DUSP22: variants seen among roughly 807,000 people sequenced by gnomAD.
DUSP22 encodes the protein dual specificity protein phosphatase 22.
DUSP22 carries 24 observed loss-of-function variants against 24.5 expected under a neutral mutation model. The observed-to-expected ratio is 0.98, with a 90% CI of 0.71 to 1.38. The LOEUF (loss-of-function observed/expected upper bound fraction) is 1.38. DUSP22 is among the 40% of genes most tolerant of loss of function. The pLI, the probability that DUSP22 is intolerant of heterozygous loss-of-function variation, is 0.00. For synonymous variants in DUSP22, 160 were observed against 106.4 expected (o/e 1.50, Z -3.10); for missense variants, 330 against 269.2 (o/e 1.23, Z -1.58).
chr6:305,504 C>G (rs1274328599), intron 2 of DUSP22, among the ~76,000 whole-genome samples: 1 of 152,306 alleles, frequency 6.6e-6, no homozygotes, highest in African/African-American at 2.4e-5. Flanking sequence ...ACAATTTCAT[C>G]TCTGGCAGAT....
intron 1 of DUSP22, 103 bp downstream of exon 1, chr6:292,663 C>A: frequency 6.8e-7 from 1 of 1,465,062 alleles, no homozygotes; most frequent in South Asian, 1.3e-5. Context: ...TGCCCTTTCC[C>A]GCGGTGGGGA....
intron 3 of DUSP22, among the ~76,000 whole-genome samples, chr6:314,575 T>C (rs1394624500): frequency 2.0e-5 from 3 of 152,304 alleles, no homozygotes; most frequent in African/African-American, 7.2e-5. Context: ...AGAGAGGGTA[T>C]TCATATTGTT....
intron 1 of DUSP22, among the ~76,000 whole-genome samples, chr6:303,736 C>T (rs976321062): frequency 4.6e-5 from 7 of 152,310 alleles, no homozygotes; most frequent in Admixed American, 3.3e-4. Context: ...TCAGAGTGTC[C>T]ATGCAAAGTG....
In DUSP22 at chr6:351,125, T is replaced by G. The variant is rs915511795; in HGVS notation, c.*2174T>G. ...ATGCCTGTAAGGATCCCGGGAGCCT[T>G]GCCGCACTGCCTTGTGGGTGGCTTG... On this transcript the variant is annotated 3_prime_UTR_variant, in exon 7 of 7. Coordinates refer to ENST00000419235, the MANE Select transcript of DUSP22 (RefSeq NM_001286555.3). The G allele has an allele frequency of 3.5e-6, 2 of 571,508 alleles. No homozygotes were observed. The highest frequency in any genetic ancestry group is 6.0e-6 in the Non-Finnish European group (2 of 334,596). 35.4% of individuals were successfully genotyped at this position (571,508 alleles called of 1,614,324 possible).
intron 3 of DUSP22, among the ~76,000 whole-genome samples, chr6:331,891 C>T (rs1002234702): frequency 7.9e-5 from 12 of 152,414 alleles, no homozygotes; most frequent in East Asian, 3.9e-4. Flanking sequence ...TGGATCACGC[C>T]GACTGGCTCT....
rs1431986546 is a variant in DUSP22 at position 349,863 on chromosome 6, G to A, written c.*912G>A. 2.0e-6 allele frequency: 2 copies of A among 986,018 alleles called. No homozygotes were observed. The highest frequency in any genetic ancestry group is 2.4e-6 in the Non-Finnish European group (2 of 830,350). 61.1% of individuals were successfully genotyped at this position (986,018 alleles called of 1,614,324 possible). A position where few individuals can be genotyped will look rare whatever the true frequency, so the allele number is the denominator to read the frequency against. ...GGTGGGCAGGCGCACTTTAGCCTAA[G>A]TTGGGTGCCCCAGGGCACCCCCTCC... On this transcript the variant is annotated 3_prime_UTR_variant, in exon 7 of 7. Transcript: ENST00000419235.
chr6:347,969 T>C, intron 5 of DUSP22, 134 bp from the exon 6 acceptor site: 1 of 1,336,268 alleles, frequency 7.5e-7, no homozygotes, highest in Non-Finnish European at 1.0e-6. Flanking sequence ...GTGGCGAGCT[T>C]GCTGTCCACA....
At chr6:328,576 T>C (rs1214110304) in intron 3 of DUSP22, among the ~76,000 whole-genome samples, 1 of 152,306 alleles carries the variant, frequency 6.6e-6, no homozygotes, top group Non-Finnish European at 1.5e-5. Flanking sequence ...CACTCTGACC[T>C]CCTGCTCCCT....
At chr6:314,027 G>A (rs1173709169) in intron 3 of DUSP22, among the ~76,000 whole-genome samples, 1 of 152,300 alleles carries the variant, frequency 6.6e-6, no homozygotes, top group Non-Finnish European at 1.5e-5. Flanking sequence ...TCAGGGAAAT[G>A]ATGTGTTTGG....
chr6:341,543 C>A (rs1759607276), intron 4 of DUSP22, among the ~76,000 whole-genome samples: 1 of 152,302 alleles, frequency 6.6e-6, no homozygotes, highest in Non-Finnish European at 1.5e-5. Flanking sequence ...TTGGAAAAGG[C>A]ATTTCTAGGA....
intron 1 of DUSP22, among the ~76,000 whole-genome samples, chr6:295,499 G>A (rs1407453980): frequency 6.6e-6 from 1 of 152,274 alleles, no homozygotes; most frequent in African/African-American, 2.4e-5. Context: ...ACAGGACTGG[G>A]CGTGGTGGCT....
rs1760178965 is a variant in DUSP22, at chr6:350,937, A to G, written c.*1986A>G. 3 of 1,601,664 alleles carry G rather than the reference A, an allele frequency of 1.9e-6. No homozygotes were observed. Among genetic ancestry groups the G allele is most frequent in the Middle Eastern group, 1.6e-4 (1 of 6,064 alleles). ...GCTGGTGCTGCCAAAAAGAAAAGCA[A>G]CATAGAGTTTAAGTATCCAGTAGTG... is the stretch of plus-strand genomic sequence containing the variant. On this transcript the variant is annotated 3_prime_UTR_variant, in exon 7 of 7. Transcript: ENST00000419235.
chr6:342,991 T>C (rs1759681066), intron 4 of DUSP22, among the ~76,000 whole-genome samples: 2 of 152,304 alleles, frequency 1.3e-5, no homozygotes, highest in African/African-American at 2.4e-5. Context: ...CCCAGCTCTT[T>C]GCTGGGGGCC....
At chr6:307,553 A>T (rs1056658345) in intron 2 of DUSP22, among the ~76,000 whole-genome samples, 1 of 152,304 alleles carries the variant, frequency 6.6e-6, no homozygotes. Context: ...AGGCTCCAGG[A>T]TGCAGCAGGC....
At chr6:335,055 T>C in intron 3 of DUSP22, 59 bp from the exon 4 acceptor site, 1 of 1,573,674 alleles carries the variant, frequency 6.4e-7, no homozygotes, top group Non-Finnish European at 8.7e-7. Flanking sequence ...CCTTAAATAC[T>C]TTTCTCCACT....
intron 3 of DUSP22, among the ~76,000 whole-genome samples, chr6:323,829 A>AAATC (rs1157225295): frequency 1.3e-5 from 2 of 152,312 alleles, no homozygotes; most frequent in East Asian, 3.8e-4. Flanking sequence ...GAATAGGTAC[A>AAATC]AATCAAATAT....
At chr6:300,662 T>A (rs1757538317) in intron 1 of DUSP22, among the ~76,000 whole-genome samples, 1 of 152,294 alleles carries the variant, frequency 6.6e-6, no homozygotes, top group African/African-American at 2.4e-5. Context: ...GAGCTGGTCC[T>A]AGCAGGGCGG....
intron 1 of DUSP22, among the ~76,000 whole-genome samples, chr6:301,967 T>G (rs1358621858): frequency 6.6e-6 from 1 of 152,300 alleles, no homozygotes; most frequent in African/African-American, 2.4e-5. Context: ...GAGAAGATAG[T>G]AGATGTACAA....
At chr6:303,051 G>T (rs368474142) in intron 1 of DUSP22, among the ~76,000 whole-genome samples, 17 of 152,412 alleles carry the variant, frequency 1.1e-4, no homozygotes, top group African/African-American at 4.1e-4. Context: ...TTTGGTCAAG[G>T]AGGGGTCATT....
Sources: gnomAD v4.1 joint callset for allele counts (sites outside exome capture counted in the v4.1 genomes callset) on GRCh38, gnomAD v4.1.1 for gene constraint, MANE v1.5 for transcripts, NCBI Gene and HGNC (gene_info 2026-07-23, HGNC 2026-07-21) for gene names.